The following POU2F1 variants were observed in gnomAD, a reference collection of about 807,000 sequenced individuals.
POU2F1 encodes POU domain, class 2, transcription factor 1.
Under a neutral mutation model 84.9 loss-of-function variants are expected in POU2F1, and 16 were observed. The observed-to-expected ratio is 0.19, with a 90% CI of 0.13 to 0.29. POU2F1 has a LOEUF of 0.29. POU2F1 is among the 10% of genes least tolerant of loss of function. The pLI is 1.00. For synonymous variants in POU2F1, 368 were observed against 368.3 expected (o/e 1.00, Z 0.01); for missense variants, 738 against 942.6 (o/e 0.78, Z 2.84).
At chr1:167,249,924 C>T (rs1470026959) in intron 1 of POU2F1, among the ~76,000 whole-genome samples, 2 of 152,128 alleles carry the variant, frequency 1.3e-5, no homozygotes, top group Admixed American at 6.5e-5. Context: ...GATGGTGTTA[C>T]CTTTGCCCAC....
chr1:167,303,243 A>G (rs1557880147), intron 1 of POU2F1, among the ~76,000 whole-genome samples: 1 of 152,194 alleles, frequency 6.6e-6, no homozygotes, highest in Non-Finnish European at 1.5e-5. Context: ...CACATATTCA[A>G]AGAACTTTCT....
chr1:167,348,306 G>T (rs938690050), intron 2 of POU2F1, among the ~76,000 whole-genome samples: 1 of 152,178 alleles, frequency 6.6e-6, no homozygotes, highest in Non-Finnish European at 1.5e-5. Flanking sequence ...TTCTATTGTT[G>T]CTGATGGAAA....
chr1:167,339,337 A>T (rs1178875056), intron 2 of POU2F1, among the ~76,000 whole-genome samples: 1 of 152,136 alleles, frequency 6.6e-6, no homozygotes, highest in Non-Finnish European at 1.5e-5. Flanking sequence ...AATTAGGATG[A>T]TTATTAGGCC....
intron 1 of POU2F1, among the ~76,000 whole-genome samples, chr1:167,237,766 A>AAATTTTTTTTTTTTTTTTTTTTTT (rs1557836583): frequency 1.7e-5 from 1 of 58,034 alleles, no homozygotes. Flanking sequence ...ATATATATAT[A>AAATTTTTTTTTTTTTTTTTTTTTT]TATATATTTT....
In POU2F1 at chr1:167,415,837, C is replaced by T; in HGVS notation, c.*27C>T. 6.3e-7 allele frequency: 1 copy of T among 1,590,984 alleles called. No homozygotes were observed. The highest frequency in any genetic ancestry group is 1.3e-5 in the African/African-American group (1 of 74,314). ...CTGGGCAGAGCTGGGCTGCCAGAAG[C>T]CTTTTTCACTCTGCAGTGTGATTGG... On this transcript the variant is annotated 3_prime_UTR_variant, in exon 16 of 16. Coordinates refer to ENST00000367866, the MANE Select transcript of POU2F1 (RefSeq NM_002697.4).
At chr1:167,355,700 T>C (rs543032915) in intron 2 of POU2F1, among the ~76,000 whole-genome samples, 1 of 152,256 alleles carries the variant, frequency 6.6e-6, no homozygotes, top group South Asian at 2.1e-4. Context: ...TTTTTTTCAC[T>C]ATGTTGCTCA....
At chr1:167,236,701 A>G (rs755811749) in intron 1 of POU2F1, among the ~76,000 whole-genome samples, 2 of 152,134 alleles carry the variant, frequency 1.3e-5, no homozygotes, top group African/African-American at 4.8e-5. Context: ...GCATCCCACT[A>G]TTAGCTGTTC....
chr1:167,343,254 T>G (rs1399752545), intron 2 of POU2F1, among the ~76,000 whole-genome samples: 1 of 152,212 alleles, frequency 6.6e-6, no homozygotes, highest in Non-Finnish European at 1.5e-5. Flanking sequence ...AATGACTGAA[T>G]AAGCAATTGA....
Position 167,413,119 on chromosome 1 carries a change from G to A in POU2F1, c.1990+5G>A, listed in dbSNP as rs376931814. ...GTACACTGGCAACTATTCAAGGTCAGTAGAAGCCTTTTTCTTAATTTGGTG... is the reference window on the plus strand; with the variant it reads ...GTACACTGGCAACTATTCAAGGTCAATAGAAGCCTTTTTCTTAATTTGGTG... On this transcript the variant is annotated splice_donor_5th_base_variant and intron_variant, in intron 15 of 15. Transcript: ENST00000367866. 3 of 1,608,790 alleles carry A rather than the reference G, an allele frequency of 1.9e-6. No homozygotes were observed. The highest frequency in any genetic ancestry group is 1.7e-6 in the Non-Finnish European group (2 of 1,175,474).
Position 167,401,519 on chromosome 1 carries a change from T to C in POU2F1, c.1518T>C (p.Pro506=). The C allele has an allele frequency of 6.2e-7, 1 of 1,612,924 alleles. No individual in the cohort carries two copies. The highest frequency in any genetic ancestry group is 8.5e-7 in the Non-Finnish European group (1 of 1,179,572). Residue 506 remains proline, a synonymous_variant, in exon 13 of 16, where the codon CCT becomes CCC. Transcript: ENST00000367866. ...ATTLTVSPVL[P]LTSAAVTNLS... is the part of the protein sequence containing the mutation. ...CCCTCACAGTCAGCCCTGTCCTCCC[T>C]CTGACCAGTGCTGCTGTGACGAATC...
At chr1:167,271,203 A>G (rs1322362604) in intron 1 of POU2F1, among the ~76,000 whole-genome samples, 1 of 152,248 alleles carries the variant, frequency 6.6e-6, no homozygotes, top group Non-Finnish European at 1.5e-5. Flanking sequence ...TTAGACAAAT[A>G]GTAAATTTTA....
chr1:167,350,889 T>C lies in POU2F1; in HGVS notation c.128-14578T>C, dbSNP rs1254363264. 2.0e-5 allele frequency among the ~76,000 whole-genome samples: 3 copies of C among 150,528 alleles called. No homozygotes were observed. The East Asian group carries it at 6.0e-4, about 30-fold the overall frequency. On this transcript the variant is annotated intron_variant, in intron 2 of 15. Transcript: ENST00000367866. Reference sequence around the variant, plus strand: ...GGCGCATGCCTGTAATCCCAGCTACTAGGGAGGCTGAGACAGGAGAATCGC... The same window carrying C: ...GGCGCATGCCTGTAATCCCAGCTACCAGGGAGGCTGAGACAGGAGAATCGC...
intron 1 of POU2F1, among the ~76,000 whole-genome samples, chr1:167,297,770 A>G (rs188792511): frequency 6.6e-6 from 1 of 152,312 alleles, no homozygotes; most frequent in Admixed American, 6.5e-5. Context: ...ATTTTGAATC[A>G]GCTCTATCCC....
At chr1:167,285,947 G>A (rs114798866) in intron 1 of POU2F1, among the ~76,000 whole-genome samples, 1,578 of 152,288 alleles carry the variant, frequency 0.01, 14 homozygotes, top group Non-Finnish European at 0.014. Flanking sequence ...AAGGAGAGAA[G>A]AGTTTGGGCA....
At chr1:167,311,353 A>T (rs1395448591) in intron 1 of POU2F1, among the ~76,000 whole-genome samples, 1 of 152,020 alleles carries the variant, frequency 6.6e-6, no homozygotes, top group Non-Finnish European at 1.5e-5. Context: ...GAGAGCTCAG[A>T]CTCCCCCAAA....
intron 2 of POU2F1, among the ~76,000 whole-genome samples, chr1:167,339,663 T>C (rs900911454): frequency 2.0e-5 from 3 of 152,230 alleles, no homozygotes; most frequent in African/African-American, 7.2e-5. Context: ...TCTAGTGTTA[T>C]CTGTTCTCTG....
At chr1:167,323,775 C>G (rs543831573) in intron 1 of POU2F1, among the ~76,000 whole-genome samples, 67 of 152,318 alleles carry the variant, frequency 4.4e-4, no homozygotes, top group Non-Finnish European at 7.3e-4. Flanking sequence ...TCAATGCAAC[C>G]TCCGCCTCCT....
chr1:167,365,592 A>C, intron 3 of POU2F1, 25 bp downstream of exon 3: 1 of 1,523,014 alleles, frequency 6.6e-7, no homozygotes, highest in East Asian at 2.4e-5. Flanking sequence ...CTCAACCATC[A>C]GTGAGAGTGA....
chr1:167,336,142 T>TA (rs577279812), intron 2 of POU2F1, among the ~76,000 whole-genome samples: 3 of 152,228 alleles, frequency 2.0e-5, no homozygotes, highest in Non-Finnish European at 4.4e-5. Context: ...TATCAGAACT[T>TA]ACGCACACAC....
Sources: gnomAD v4.1 joint callset for allele counts (sites outside exome capture counted in the v4.1 genomes callset) on GRCh38, gnomAD v4.1.1 for gene constraint, MANE v1.5 for transcripts, NCBI Gene and HGNC (gene_info 2026-07-23, HGNC 2026-07-21) for gene names.